The following ITCH variants were observed in gnomAD, a reference collection of about 807,000 sequenced individuals.
ITCH encodes the protein itchy E3 ubiquitin protein ligase, also known as E3 ubiquitin-protein ligase Itchy homolog.
In ITCH, 28 loss-of-function variants were observed where a neutral mutation model predicts 126.8. The observed-to-expected ratio is 0.22, with a 90% CI of 0.16 to 0.30. The LOEUF (loss-of-function observed/expected upper bound fraction) is 0.30, where lower values mean the gene tolerates loss of function less well. Ranked by LOEUF, ITCH falls within the 10% of genes least tolerant of loss-of-function variation. The pLI, the probability that ITCH is intolerant of heterozygous loss-of-function variation, is 1.00. For missense variants in ITCH, 631 were observed against 1,032.4 expected, an observed-to-expected ratio of 0.61 and a Z score of 5.33; for synonymous variants, 342 against 340.0, an observed-to-expected ratio of 1.01 and a Z score of -0.06.
At chr20:34,386,615 G>T (rs995433461) in intron 2 of ITCH, among the ~76,000 whole-genome samples, 3 of 151,990 alleles carry the variant, frequency 2.0e-5, no homozygotes, top group African/African-American at 7.3e-5. Flanking sequence ...TGTCATTTTG[G>T]TGGATTCTTT....
chr20:34,428,377 G>A (rs1054120400), intron 7 of ITCH, among the ~76,000 whole-genome samples: 2 of 152,086 alleles, frequency 1.3e-5, no homozygotes, highest in African/African-American at 4.8e-5. Flanking sequence ...ATAGCCTTAG[G>A]TTATTTTAGC....
chr20:34,405,789 T>TA (rs397774866), intron 3 of ITCH, among the ~76,000 whole-genome samples: 199 of 151,820 alleles, frequency 1.3e-3, no homozygotes, highest in Middle Eastern at 3.4e-3. Context: ...ACTTTTTTTT[T>TA]ATTTTTTATT....
intron 2 of ITCH, among the ~76,000 whole-genome samples, chr20:34,375,190 TG>T (rs1309072114): frequency 2.0e-5 from 3 of 147,512 alleles, no homozygotes; most frequent in South Asian, 2.2e-4. Flanking sequence ...TACAGGTGTG[TG>T]CCACCACGCC....
chr20:34,472,428 T>TG (rs1168510904), intron 16 of ITCH, among the ~76,000 whole-genome samples: 1 of 151,772 alleles, frequency 6.6e-6, no homozygotes, highest in African/African-American at 2.4e-5. Context: ...GCCTTTATCT[T>TG]GCAGATATTA....
chr20:34,479,867 A>C, intron 18 of ITCH, 78 bp downstream of exon 18: 9 of 1,254,842 alleles, frequency 7.2e-6, no homozygotes, highest in Non-Finnish European at 1.0e-5. Flanking sequence ...ATAACAGATC[A>C]TATGAGAGAA....
intron 16 of ITCH, among the ~76,000 whole-genome samples, chr20:34,474,775 G>A (rs1280874710): frequency 8.4e-6 from 1 of 119,380 alleles, no homozygotes; most frequent in African/African-American, 3.0e-5. Flanking sequence ...AGGACAGGGC[G>A]GCTGGCCGGG....
At chr20:34,481,741 G>A (rs1032406991) in intron 20 of ITCH, among the ~76,000 whole-genome samples, 1 of 152,128 alleles carries the variant, frequency 6.6e-6, no homozygotes, top group African/African-American at 2.4e-5. Flanking sequence ...GGCCAGGCAT[G>A]GTGGCTCATG....
intron 7 of ITCH, 29 bp from the exon 8 acceptor site, chr20:34,438,445 C>A (rs1648973727): frequency 6.2e-7 from 1 of 1,611,790 alleles, no homozygotes; most frequent in Non-Finnish European, 8.5e-7. Flanking sequence ...TTTCCCTCTC[C>A]CCCTTCCTTT....
chr20:34,491,496 T>C lies in ITCH; in HGVS notation c.2320-1005T>C, dbSNP rs549968226. On this transcript the variant is annotated intron_variant, in intron 22 of 24. Coordinates refer to ENST00000374864, the MANE Select transcript of ITCH (RefSeq NM_031483.7). ...GGCGATGGTTGCACAACAGTGTGAA[T>C]GTACTTAATGTCATTGAATTACACT... Among the ~76,000 whole-genome samples, 27 of 152,348 alleles carry C rather than the reference T, an allele frequency of 1.8e-4. No individual in the cohort carries two copies. The East Asian group carries it at 3.3e-3, about 18-fold the overall frequency.
chr20:34,460,000 A>G (rs534169974), intron 13 of ITCH, among the ~76,000 whole-genome samples: 33 of 152,350 alleles, frequency 2.2e-4, no homozygotes, highest in Admixed American at 2.1e-3. Context: ...TTAAAGTTTT[A>G]TAGCTAAAGT....
chr20:34,408,891 T>C, intron 4 of ITCH, 99 bp downstream of exon 4: 2 of 1,217,732 alleles, frequency 1.6e-6, no homozygotes, highest in Non-Finnish European at 2.3e-6. Context: ...TTGTTGTTGT[T>C]GTTCCTCCTT....
intron 2 of ITCH, among the ~76,000 whole-genome samples, chr20:34,372,368 G>GTTA (rs1363407960): frequency 8.5e-6 from 1 of 118,062 alleles, no homozygotes; most frequent in Admixed American, 9.8e-5. Context: ...GAGAAACCAT[G>GTTA]TTATTTTAAG....
chr20:34,417,314 T>A, intron 6 of ITCH: 1 of 390,138 alleles, frequency 2.6e-6, no homozygotes, highest in Admixed American at 4.0e-5. Context: ...CCAGGCTGGC[T>A]TTGAACTCCC....
chr20:34,433,261 C>G (rs988241798), intron 7 of ITCH, among the ~76,000 whole-genome samples: 3 of 152,196 alleles, frequency 2.0e-5, no homozygotes, highest in Non-Finnish European at 4.4e-5. Context: ...TTGCACTCCA[C>G]CCTGGGGGAC....
intron 12 of ITCH, among the ~76,000 whole-genome samples, chr20:34,450,188 A>G (rs539586778): frequency 2.2e-4 from 34 of 152,342 alleles, no homozygotes; most frequent in African/African-American, 8.2e-4. Context: ...TGTGGTTTTG[A>G]TGCTGTACGT....
chr20:34,495,316 T>TATATATATATACAC (rs796826383), intron 23 of ITCH, among the ~76,000 whole-genome samples: 2 of 132,260 alleles, frequency 1.5e-5, no homozygotes, highest in Non-Finnish European at 1.6e-5. Context: ...TATATATATA[T>TATATATATATACAC]ACACACGCAC....
intron 7 of ITCH, among the ~76,000 whole-genome samples, chr20:34,428,768 T>G (rs1346087468): frequency 6.6e-6 from 1 of 151,916 alleles, no homozygotes; most frequent in Admixed American, 6.6e-5. Context: ...ATGACCTGAT[T>G]GTACTATAAT....
At chr20:34,370,969 C>A (rs2037602569) in intron 2 of ITCH, among the ~76,000 whole-genome samples, 2 of 151,840 alleles carry the variant, frequency 1.3e-5, no homozygotes, top group African/African-American at 4.8e-5. Flanking sequence ...GAGATCGAGA[C>A]CATCCTGGCT....
intron 6 of ITCH, among the ~76,000 whole-genome samples, chr20:34,417,992 G>A (rs1019156529): frequency 1.3e-5 from 2 of 149,000 alleles, no homozygotes; most frequent in Admixed American, 1.3e-4. Context: ...TTTGAGACAG[G>A]GTATCGTTCA....
Sources: gnomAD v4.1 joint callset for allele counts (sites outside exome capture counted in the v4.1 genomes callset) on GRCh38, gnomAD v4.1.1 for gene constraint, MANE v1.5 for transcripts, NCBI Gene and HGNC (gene_info 2026-07-23, HGNC 2026-07-21) for gene names.